AFF3: variants seen among roughly 807,000 people sequenced by gnomAD.
The protein encoded by AFF3 is ALF transcription elongation factor 3.
In AFF3, 32 loss-of-function variants were observed where a neutral mutation model predicts 129.7. That is an observed-to-expected ratio of 0.25 (90% CI 0.19 to 0.33). The LOEUF is 0.33. AFF3 is among the 10% of genes least tolerant of loss of function. The probability of loss-of-function intolerance (pLI) is 1.00; values close to 1 mark genes in which losing one functional copy is unlikely to be tolerated. For synonymous variants in AFF3, 644 were observed against 635.4 expected (o/e 1.01, Z -0.20); for missense variants, 1,373 against 1,592.0 (o/e 0.86, Z 2.34).
chr2:99,806,363 T>A (rs577801633), intron 8 of AFF3, among the ~76,000 whole-genome samples: 7 of 152,192 alleles, frequency 4.6e-5, no homozygotes, highest in Non-Finnish European at 4.4e-5. Context: ...CCTGCTCTCA[T>A]GGAATTCATG....
rs559609005 is a variant in AFF3, at chr2:99,804,397, C to T, written c.921+33080G>A. On this transcript the variant is annotated intron_variant, in intron 8 of 24. Transcript: ENST00000672756. Reference sequence around the variant, plus strand: ...ACAACCACAATAGATACCAACTTACCACAGCCAGAATGGCAGTTATTAAAA... The same window carrying T: ...ACAACCACAATAGATACCAACTTACTACAGCCAGAATGGCAGTTATTAAAA... Among the ~76,000 whole-genome samples the T allele has an allele frequency of 3.3e-5, 5 of 152,160 alleles. No homozygotes were observed. The South Asian group carries it at 6.2e-4, about 19-fold the overall frequency.
chr2:99,573,906 T>C (rs572225936), intron 18 of AFF3, among the ~76,000 whole-genome samples: 2 of 152,312 alleles, frequency 1.3e-5, no homozygotes, highest in African/African-American at 4.8e-5. Context: ...CCTGGGGTTC[T>C]CTGGCTTCCT....
chr2:99,604,889 A>G (rs1680178272), intron 13 of AFF3, among the ~76,000 whole-genome samples: 2 of 152,230 alleles, frequency 1.3e-5, no homozygotes, highest in South Asian at 4.1e-4. Flanking sequence ...ACCAATCAGT[A>G]TATTCTATCT....
chr2:99,931,156 T>G (rs1425283762), intron 7 of AFF3, among the ~76,000 whole-genome samples: 2 of 152,176 alleles, frequency 1.3e-5, no homozygotes, highest in Non-Finnish European at 2.9e-5. Context: ...ATGAAATAAA[T>G]GTAAGGACCC....
intron 7 of AFF3, among the ~76,000 whole-genome samples, chr2:99,942,956 A>G (rs1185691188): frequency 6.6e-6 from 1 of 152,134 alleles, no homozygotes; most frequent in Non-Finnish European, 1.5e-5. Flanking sequence ...GCTGAGGGGA[A>G]AGCAGAAACC....
intron 9 of AFF3, among the ~76,000 whole-genome samples, chr2:99,749,039 C>G (rs1409869161): frequency 6.6e-6 from 1 of 152,054 alleles, no homozygotes; most frequent in Non-Finnish European, 1.5e-5. Flanking sequence ...TGTGTGTACA[C>G]ATATGTGTGT....
intron 8 of AFF3, among the ~76,000 whole-genome samples, chr2:99,809,819 T>C (rs1686651261): frequency 6.6e-6 from 1 of 152,238 alleles, no homozygotes; most frequent in African/African-American, 2.4e-5. Context: ...TTCTTACTCA[T>C]TGTTCACTAA....
chr2:99,655,638 G>A (rs772283026), intron 12 of AFF3, among the ~76,000 whole-genome samples: 2 of 152,134 alleles, frequency 1.3e-5, no homozygotes, highest in Non-Finnish European at 2.9e-5. Context: ...ATTAACACAG[G>A]ACAATAGAAA....
At chr2:99,784,961 C>T (rs1430002665) in intron 8 of AFF3, among the ~76,000 whole-genome samples, 1 of 152,214 alleles carries the variant, frequency 6.6e-6, no homozygotes. Flanking sequence ...TGTTCCCTCA[C>T]TCCTTAACTC....
intron 13 of AFF3, among the ~76,000 whole-genome samples, chr2:99,621,496 T>G (rs1490772951): frequency 6.6e-6 from 1 of 152,132 alleles, no homozygotes; most frequent in Admixed American, 6.5e-5. Context: ...TTTAGGTGGG[T>G]GAGGATTTTT....
chr2:99,846,152 G>A (rs947300573), intron 7 of AFF3, among the ~76,000 whole-genome samples: 2 of 149,352 alleles, frequency 1.3e-5, no homozygotes, highest in African/African-American at 5.0e-5. Context: ...CTTTTGAGAC[G>A]GAGTTTGGCT....
Position 100,042,076 on chromosome 2 carries a change from G to A in AFF3, c.54-33144C>T, listed in dbSNP as rs535237492. Among the ~76,000 whole-genome samples the A allele has an allele frequency of 5.9e-5, 9 of 151,386 alleles. No individual in the cohort carries two copies. The East Asian group carries it at 1.2e-3, about 20-fold the overall frequency. On this transcript the variant is annotated intron_variant, in intron 4 of 24. Coordinates refer to ENST00000672756, the MANE Select transcript of AFF3 (RefSeq NM_001386135.1). Reference sequence around the variant, plus strand: ...CACCATCCCAACCTCTCCAGCCCCCGGCCCGGCCCCACCATCACTCATTCT... The same window carrying A: ...CACCATCCCAACCTCTCCAGCCCCCAGCCCGGCCCCACCATCACTCATTCT...
intron 8 of AFF3, among the ~76,000 whole-genome samples, chr2:99,809,654 A>G (rs1449652140): frequency 6.6e-6 from 1 of 152,198 alleles, no homozygotes; most frequent in Non-Finnish European, 1.5e-5. Flanking sequence ...TTTAGTGCCC[A>G]TGGAGCACAA....
intron 7 of AFF3, among the ~76,000 whole-genome samples, chr2:100,005,250 G>A (rs1023110003): frequency 1.3e-5 from 2 of 151,924 alleles, no homozygotes; most frequent in African/African-American, 4.8e-5. Flanking sequence ...ATCTTTTTTT[G>A]TTTTAACTAG....
At position 100,018,487 on chromosome 2, in the gene AFF3, T is replaced by A. The variant is rs62149318; in HGVS notation, c.54-9555A>T. On this transcript the variant is annotated intron_variant, in intron 4 of 24. Coordinates refer to ENST00000672756, the MANE Select transcript of AFF3 (RefSeq NM_001386135.1). ...AGGGTTAAATGCTTTTCCTGAGGGA[T>A]CCTAAGTCTTGGTGCCATGAGAACA... is the stretch of plus-strand genomic sequence containing the variant. 7.4e-3 allele frequency among the ~76,000 whole-genome samples: 1,126 copies of A among 152,258 alleles called. 8 individuals are homozygous for A. The highest frequency in any genetic ancestry group is 0.027 in the Middle Eastern group (8 of 294).
intron 4 of AFF3, among the ~76,000 whole-genome samples, chr2:100,056,932 A>G (rs1316077426): frequency 6.9e-6 from 1 of 144,042 alleles, no homozygotes; most frequent in Non-Finnish European, 1.5e-5. Context: ...TGGTTCAATA[A>G]GTAAAGCTGA....
chr2:99,612,191 C>T (rs975785224), intron 13 of AFF3, among the ~76,000 whole-genome samples: 7 of 152,176 alleles, frequency 4.6e-5, no homozygotes, highest in Non-Finnish European at 8.8e-5. Context: ...AGTGCATTAA[C>T]ATCTTGTCCC....
At chr2:99,661,592 A>T (rs916547397) in intron 12 of AFF3, among the ~76,000 whole-genome samples, 1 of 152,208 alleles carries the variant, frequency 6.6e-6, no homozygotes, top group Non-Finnish European at 1.5e-5. Flanking sequence ...ATAAATCTCC[A>T]TTGAGTCTCC....
chr2:99,792,922 T>C (rs764279367), intron 8 of AFF3, among the ~76,000 whole-genome samples: 9 of 152,200 alleles, frequency 5.9e-5, no homozygotes, highest in Non-Finnish European at 1.3e-4. Flanking sequence ...TTCCTCCTCA[T>C]TTGTTTTCTG....
Sources: allele counts gnomAD v4.1 joint callset (sites outside exome capture counted in the v4.1 genomes callset), GRCh38; gene constraint gnomAD v4.1.1; transcripts MANE v1.5; gene names NCBI Gene and HGNC (gene_info 2026-07-23, HGNC 2026-07-21).